MAD1L1: variants seen among roughly 807,000 people sequenced by gnomAD.
MAD1L1 encodes the protein mitotic arrest deficient 1 like 1, also known as mitotic spindle assembly checkpoint protein MAD1.
In MAD1L1, 95 loss-of-function variants were observed where a neutral mutation model predicts 96.9. That is an observed-to-expected ratio of 0.98 (90% CI 0.83 to 1.16). The LOEUF (loss-of-function observed/expected upper bound fraction) is 1.16, where lower values mean the gene tolerates loss of function less well. Ranked by LOEUF, MAD1L1 falls within the 50% of genes most tolerant of loss-of-function variation. The pLI is 0.00. For missense variants in MAD1L1, 1,007 were observed against 954.4 expected (o/e 1.06, Z -0.73); for synonymous variants, 473 against 396.6 (o/e 1.19, Z -2.29).
At chr7:1,875,391 C>T (rs888926379) in intron 18 of MAD1L1, among the ~76,000 whole-genome samples, 18 of 152,228 alleles carry the variant, frequency 1.2e-4, no homozygotes, top group Admixed American at 6.5e-4. Context: ...ACCCCAGATG[C>T]CACTAAGAAC....
chr7:1,958,453 C>T (rs1779819056), intron 15 of MAD1L1, among the ~76,000 whole-genome samples: 1 of 152,204 alleles, frequency 6.6e-6, no homozygotes. Flanking sequence ...GATTACTCGA[C>T]ACCGCACAGG....
chr7:1,901,346 G>A (rs1787231720), intron 17 of MAD1L1, among the ~76,000 whole-genome samples: 1 of 152,234 alleles, frequency 6.6e-6, no homozygotes, highest in African/African-American at 2.4e-5. Context: ...TCCCAAGTGA[G>A]CCAAGAGCCC....
chr7:1,830,562 A>G (rs1168793632), intron 18 of MAD1L1, among the ~76,000 whole-genome samples: 2 of 152,262 alleles, frequency 1.3e-5, no homozygotes, highest in Admixed American at 1.3e-4. Context: ...AAACAGAAAT[A>G]AAAACAAAGT....
At chr7:2,086,485 G>A (rs1584285581) in intron 11 of MAD1L1, among the ~76,000 whole-genome samples, 2 of 152,228 alleles carry the variant, frequency 1.3e-5, no homozygotes, top group Non-Finnish European at 2.9e-5. Flanking sequence ...AGCCACACAC[G>A]GCCTCTGCCC....
intron 12 of MAD1L1, among the ~76,000 whole-genome samples, chr7:2,019,797 G>A (rs1018862377): frequency 1.3e-5 from 2 of 152,340 alleles, no homozygotes; most frequent in East Asian, 3.9e-4. Flanking sequence ...CTCGGCCCAC[G>A]CCTGCTCCTG....
chr7:1,979,152 C>T (rs1326790525), intron 15 of MAD1L1, among the ~76,000 whole-genome samples: 3 of 152,296 alleles, frequency 2.0e-5, no homozygotes, highest in Non-Finnish European at 2.9e-5. Context: ...GTGTGACGGA[C>T]GAAGCAGAGG....
At chr7:2,181,782 T>C (rs1262257257) in intron 10 of MAD1L1, among the ~76,000 whole-genome samples, 1 of 151,926 alleles carries the variant, frequency 6.6e-6, no homozygotes, top group African/African-American at 2.4e-5. Context: ...TAAATGCCCA[T>C]CAACCGAGTG....
At chr7:1,882,879 T>C (rs1352309697) in intron 18 of MAD1L1, among the ~76,000 whole-genome samples, 2 of 152,208 alleles carry the variant, frequency 1.3e-5, no homozygotes, top group Non-Finnish European at 2.9e-5. Context: ...TGTAGAGAAC[T>C]GAAGTCTTGA....
At chr7:1,948,979 C>T (rs924677663) in intron 16 of MAD1L1, among the ~76,000 whole-genome samples, 6 of 152,180 alleles carry the variant, frequency 3.9e-5, no homozygotes, top group South Asian at 4.1e-4. Flanking sequence ...GGGCTGGGCC[C>T]GACACACACA....
intron 18 of MAD1L1, among the ~76,000 whole-genome samples, chr7:1,878,501 A>T (rs543330231): frequency 2.0e-5 from 3 of 148,930 alleles, no homozygotes; most frequent in African/African-American, 7.7e-5. Flanking sequence ...GTTTAACATT[A>T]AAAAAAATCA....
rs1234854745 is a variant in MAD1L1, at chr7:2,142,227, GC to G, written c.1073+6924del. Among the ~76,000 whole-genome samples, 13 of 152,152 alleles carry G rather than the reference GC, an allele frequency of 8.5e-5. No homozygotes were observed. Among genetic ancestry groups the G allele is most frequent in the African/African-American group, 2.9e-4 (12 of 41,420 alleles). Reference sequence around the variant, plus strand: ...AGCCAAACTAACCCGAGCAGCCTTCGCCAAAGAACAAGGCAGGCACGTGCCA... The same window carrying G: ...AGCCAAACTAACCCGAGCAGCCTTCGCAAAGAACAAGGCAGGCACGTGCCA... On this transcript the variant is annotated intron_variant, in intron 11 of 18. Coordinates refer to ENST00000265854, the MANE Select transcript of MAD1L1 (RefSeq NM_001013836.2). The surrounding 1 kb of genome is among the most constrained non-coding windows in gnomAD (Gnocchi z 4.7).
chr7:1,996,872 G>GTAATCAA (rs1562593346), intron 14 of MAD1L1, among the ~76,000 whole-genome samples: 4 of 94,572 alleles, frequency 4.2e-5, no homozygotes, highest in Admixed American at 2.6e-4. Flanking sequence ...TTTTAGAGCT[G>GTAATCAA]AGAGCGGCGT....
rs184803791 is a variant in MAD1L1, at chr7:2,144,040, C to T, written c.1073+5112G>A. The stretch of plus-strand genomic sequence containing the variant: ...TGAGGCAGAGAAGCAAGGCCAAAGC[C>T]GAGACGGCAGCCACACAACGTGTCC... On this transcript the variant is annotated intron_variant, in intron 11 of 18. Transcript: ENST00000265854. 1.4e-3 allele frequency among the ~76,000 whole-genome samples: 209 copies of T among 152,326 alleles called. 1 individual carries two copies. The highest frequency in any genetic ancestry group is 4.0e-3 in the African/African-American group (165 of 41,584).
At chr7:1,849,349 G>A (rs1287625256) in intron 18 of MAD1L1, 1 of 152,222 alleles carries the variant, frequency 6.6e-6, no homozygotes. Context: ...GTCTCCTACG[G>A]TTCCTTATTT....
At chr7:1,932,280 G>A (rs73050159) in intron 17 of MAD1L1, among the ~76,000 whole-genome samples, 5,152 of 152,076 alleles carry the variant, frequency 0.034, 189 homozygotes, top group Admixed American at 0.099. Context: ...GGCCCCTGCC[G>A]GCTGCTCCCC....
chr7:1,980,597 G>A, intron 14 of MAD1L1, 56 bp from the exon 15 acceptor site: 3 of 1,440,294 alleles, frequency 2.1e-6, no homozygotes, highest in Non-Finnish European at 2.9e-6. Context: ...CAGGTGTGTG[G>A]GGAACCCCAG....
At chr7:1,822,442 ATTT>A (rs751430006) in intron 18 of MAD1L1, among the ~76,000 whole-genome samples, 9 of 140,582 alleles carry the variant, frequency 6.4e-5, no homozygotes, top group Non-Finnish European at 3.1e-5. Flanking sequence ...ATATATATAT[ATTT>A]TTTTTTTTTT....
At chr7:1,850,481 G>A (rs1783908277) in intron 18 of MAD1L1, among the ~76,000 whole-genome samples, 1 of 152,192 alleles carries the variant, frequency 6.6e-6, no homozygotes, top group Non-Finnish European at 1.5e-5. Flanking sequence ...GGTCCAGGTG[G>A]GGGTACCCCA....
intron 18 of MAD1L1, among the ~76,000 whole-genome samples, chr7:1,883,328 C>T (rs1217080450): frequency 6.6e-6 from 1 of 152,174 alleles, no homozygotes; most frequent in Non-Finnish European, 1.5e-5. Flanking sequence ...TCACAAATGA[C>T]CCCTGGTATG....
Sources: gnomAD v4.1 joint callset for allele counts (sites outside exome capture counted in the v4.1 genomes callset) on GRCh38, gnomAD v4.1.1 for gene constraint, Gnocchi (gnomAD v3.1) non-coding constraint, MANE v1.5 for transcripts, NCBI Gene and HGNC (gene_info 2026-07-23, HGNC 2026-07-21) for gene names.